Variants in SLC35F1 observed in about 807,000 individuals in gnomAD.
SLC35F1 encodes the protein solute carrier family 35 member F1, also known as chromosome 6 open reading frame 169.
Under a neutral mutation model 48.7 loss-of-function variants are expected in SLC35F1, and 14 were observed. That is an observed-to-expected ratio of 0.29 (90% CI 0.19 to 0.45). The LOEUF is 0.45. Ranked by LOEUF, SLC35F1 falls within the 20% of genes least tolerant of loss-of-function variation. The pLI is 1.00. For synonymous variants in SLC35F1, 190 were observed against 202.2 expected (o/e 0.94, Z 0.51); for missense variants, 404 against 500.0 (o/e 0.81, Z 1.83).
At chr6:118,145,786 T>C (rs993067109) in intron 1 of SLC35F1, among the ~76,000 whole-genome samples, 8 of 152,172 alleles carry the variant, frequency 5.3e-5, no homozygotes, top group Non-Finnish European at 1.2e-4. Flanking sequence ...GTGGGGAGGT[T>C]ACATTTAAAG....
chr6:118,120,623 A>G (rs1271743026), intron 1 of SLC35F1, among the ~76,000 whole-genome samples: 1 of 152,148 alleles, frequency 6.6e-6, no homozygotes, highest in African/African-American at 2.4e-5. Flanking sequence ...TTTTCTCAAG[A>G]TAATTCAAAA....
intron 4 of SLC35F1, among the ~76,000 whole-genome samples, chr6:118,274,998 G>A (rs1775903305): frequency 6.6e-6 from 1 of 152,128 alleles, no homozygotes; most frequent in Non-Finnish European, 1.5e-5. Context: ...AATATAACTT[G>A]TGCATGTATT....
In SLC35F1 at chr6:118,089,070, G is replaced by T. The variant is rs186626298; in HGVS notation, c.174-65375G>T. On this transcript the variant is annotated intron_variant, in intron 1 of 7. Coordinates refer to ENST00000360388, the MANE Select transcript of SLC35F1 (RefSeq NM_001029858.4). ...CAGAAACCCAGAAAGAAATCATGGT[G>T]CCTAGAACAAGGTAATGGCCGTGGA... is the stretch of plus-strand genomic sequence containing the variant. Among the ~76,000 whole-genome samples the T allele has an allele frequency of 2.3e-3, 357 of 152,270 alleles. 9 individuals are homozygous for T. Among genetic ancestry groups the T allele is most frequent in the Non-Finnish European group, 5.4e-4 (37 of 68,028 alleles).
intron 2 of SLC35F1, among the ~76,000 whole-genome samples, chr6:118,214,518 C>A (rs529988316): frequency 6.6e-6 from 1 of 152,230 alleles, no homozygotes; most frequent in South Asian, 2.1e-4. Flanking sequence ...AGTCACCTTA[C>A]GCCAACCTTT....
chr6:118,303,134 T>C (rs1319698215), intron 7 of SLC35F1, among the ~76,000 whole-genome samples: 5 of 152,172 alleles, frequency 3.3e-5, no homozygotes, highest in Non-Finnish European at 7.3e-5. Flanking sequence ...AATATAGAAT[T>C]CCAATACTGA....
intron 1 of SLC35F1, among the ~76,000 whole-genome samples, chr6:118,056,887 C>T (rs1353352210): frequency 6.6e-6 from 1 of 151,964 alleles, no homozygotes; most frequent in East Asian, 1.9e-4. Flanking sequence ...AATGATTTGT[C>T]CTTGTTTTGA....
chr6:118,049,494 C>T (rs4270812), intron 1 of SLC35F1, among the ~76,000 whole-genome samples: 26,824 of 151,912 alleles, frequency 0.18, 2,581 homozygotes, highest in Admixed American at 0.28. Context: ...CCAGAATCTA[C>T]AATGAACTCA....
intron 1 of SLC35F1, among the ~76,000 whole-genome samples, chr6:117,988,823 T>G (rs983778291): frequency 1.3e-5 from 2 of 152,152 alleles, no homozygotes; most frequent in African/African-American, 2.4e-5. Flanking sequence ...GAGTTTCTGT[T>G]TGGGATGATG....
chr6:117,968,084 AC>A (rs1776593562), intron 1 of SLC35F1, among the ~76,000 whole-genome samples: 1 of 152,148 alleles, frequency 6.6e-6, no homozygotes, highest in African/African-American at 2.4e-5. Context: ...ATTGTATTTG[AC>A]TTCTATACCC....
chr6:118,218,416 G>C (rs1023775405), intron 2 of SLC35F1, among the ~76,000 whole-genome samples: 21 of 152,098 alleles, frequency 1.4e-4, no homozygotes, highest in South Asian at 6.2e-4. Flanking sequence ...TTGGTGGAGG[G>C]AGGGCGGGGA....
In SLC35F1 at chr6:117,923,781, A is replaced by G. The variant is rs1009664246; in HGVS notation, c.173+15882A>G. Among the ~76,000 whole-genome samples the G allele has an allele frequency of 7.6e-5, 6 of 79,078 alleles. 1 individual carries two copies. Among genetic ancestry groups the G allele is most frequent in the African/African-American group, 3.3e-4 (5 of 15,364 alleles). The allele number at this position is 79,078 out of a possible 152,430, so 51.9% of individuals were successfully genotyped here. ...TACATATGCACATACATATGTATAT[A>G]TACATATATGTACATATATACATAT... On this transcript the variant is annotated intron_variant, in intron 1 of 7. Coordinates refer to ENST00000360388, the MANE Select transcript of SLC35F1 (RefSeq NM_001029858.4).
At chr6:118,219,195 G>A (rs1162521530) in intron 2 of SLC35F1, among the ~76,000 whole-genome samples, 1 of 152,142 alleles carries the variant, frequency 6.6e-6, no homozygotes, top group Non-Finnish European at 1.5e-5. Flanking sequence ...TGTAGTAGAA[G>A]ATGATAAAAA....
chr6:118,045,687 C>A (rs1772289340), intron 1 of SLC35F1, among the ~76,000 whole-genome samples: 1 of 152,142 alleles, frequency 6.6e-6, no homozygotes, highest in Non-Finnish European at 1.5e-5. Context: ...GGGACAGTAT[C>A]AAAATGCACA....
intron 1 of SLC35F1, among the ~76,000 whole-genome samples, chr6:117,935,745 G>A (rs1037970262): frequency 1.3e-5 from 2 of 152,142 alleles, no homozygotes; most frequent in African/African-American, 4.8e-5. Context: ...CTTATAGTAC[G>A]AGAGCTAAAA....
chr6:118,051,183 G>A (rs1172077536), intron 1 of SLC35F1, among the ~76,000 whole-genome samples: 3 of 152,074 alleles, frequency 2.0e-5, no homozygotes, highest in Admixed American at 6.6e-5. Context: ...CTGGATTGTC[G>A]ACTTTTACCA....
intron 7 of SLC35F1, among the ~76,000 whole-genome samples, chr6:118,310,753 G>T (rs1776363325): frequency 6.6e-6 from 1 of 152,068 alleles, no homozygotes; most frequent in Non-Finnish European, 1.5e-5. Context: ...GAATTAAATA[G>T]AAGTGCATTA....
chr6:118,226,741 A>G (rs1009676240), intron 2 of SLC35F1, among the ~76,000 whole-genome samples: 7 of 152,202 alleles, frequency 4.6e-5, no homozygotes, highest in African/African-American at 1.7e-4. Flanking sequence ...AGGTGAGGTT[A>G]ATTAATGGGT....
At position 117,907,405 on chromosome 6, in the gene SLC35F1, C is replaced by T; in HGVS notation, c.-322C>T. 5.3e-6 allele frequency: 1 copy of T among 189,168 alleles called. No individual in the cohort carries two copies. The highest frequency in any genetic ancestry group is 1.7e-4 in the South Asian group (1 of 5,978). The allele number at this position is 189,168 out of a possible 1,614,324, so 11.7% of individuals were successfully genotyped here. Reference sequence around the variant, plus strand: ...TCCCCGGAACCGACCGGCAGCTCCGCGCCCCCGCGCGACACCCTTCGCAGC... The same window carrying T: ...TCCCCGGAACCGACCGGCAGCTCCGTGCCCCCGCGCGACACCCTTCGCAGC... On this transcript the variant is annotated 5_prime_UTR_variant, in exon 1 of 8. Coordinates refer to ENST00000360388, the MANE Select transcript of SLC35F1 (RefSeq NM_001029858.4).
chr6:118,085,301 G>A (rs767817168), intron 1 of SLC35F1, among the ~76,000 whole-genome samples: 1 of 152,024 alleles, frequency 6.6e-6, no homozygotes, highest in African/African-American at 2.4e-5. Flanking sequence ...TTCTGATATA[G>A]TTAGGGCCTG....
Sources: gnomAD v4.1 joint callset for allele counts (sites outside exome capture counted in the v4.1 genomes callset) on GRCh38, gnomAD v4.1.1 for gene constraint, MANE v1.5 for transcripts, NCBI Gene and HGNC (gene_info 2026-07-23, HGNC 2026-07-21) for gene names.